RGS7: variants seen among roughly 807,000 people sequenced by gnomAD.
The protein encoded by RGS7 is regulator of G protein signaling 7.
RGS7 carries 27 observed loss-of-function variants against 81.1 expected under a neutral mutation model. The ratio of observed to expected loss-of-function variants is 0.33; its 90% CI spans 0.25 to 0.46. The LOEUF is 0.46. RGS7 is among the 20% of genes least tolerant of loss of function. RGS7 has a pLI of 1.00. For missense variants in RGS7, 396 were observed against 607.4 expected (o/e 0.65, Z 3.66); for synonymous variants, 208 against 207.7 (o/e 1.00, Z -0.01).
At chr1:241,242,187 T>C (rs1462351479) in intron 2 of RGS7, among the ~76,000 whole-genome samples, 1 of 152,066 alleles carries the variant, frequency 6.6e-6, no homozygotes, top group East Asian at 1.9e-4. Flanking sequence ...CACTTATAAG[T>C]AAGAACACAC....
chr1:241,273,791 A>T (rs2078052267), intron 2 of RGS7, among the ~76,000 whole-genome samples: 1 of 152,180 alleles, frequency 6.6e-6, no homozygotes, highest in African/African-American at 2.4e-5. Flanking sequence ...CCTTAAAAAA[A>T]GTCCCTCATA....
chr1:241,345,658 G>C (rs2148716330), intron 2 of RGS7, among the ~76,000 whole-genome samples: 1 of 152,252 alleles, frequency 6.6e-6, no homozygotes, highest in Non-Finnish European at 1.5e-5. Context: ...TGCAAGGCCT[G>C]GTATGGCATC....
At chr1:240,779,099 TTGTGTG>T (rs71172643) in intron 18 of RGS7, among the ~76,000 whole-genome samples, 18,479 of 143,856 alleles carry the variant, frequency 0.13, 1,341 homozygotes, top group African/African-American at 0.2. Context: ...TTAGTGTTCT[TTGTGTG>T]TGTGTGTGTG....
At chr1:241,160,340 G>A (rs1296206687) in intron 2 of RGS7, among the ~76,000 whole-genome samples, 1 of 152,138 alleles carries the variant, frequency 6.6e-6, no homozygotes, top group African/African-American at 2.4e-5. Context: ...CAAAATTCAT[G>A]TCAGATGTTG....
At chr1:241,202,186 C>T (rs999037561) in intron 2 of RGS7, among the ~76,000 whole-genome samples, 1 of 152,138 alleles carries the variant, frequency 6.6e-6, no homozygotes, top group African/African-American at 2.4e-5. Flanking sequence ...AGAGGTATTT[C>T]TGTACCTGTC....
rs1491202997 is a variant in RGS7, at chr1:241,130,944, A to AAAAAAAAAAAAC, written c.79-32183_79-32182insGTTTTTTTTTTT. On this transcript the variant is annotated intron_variant, in intron 2 of 18. Transcript: ENST00000440928. The stretch of plus-strand genomic sequence containing the variant: ...CTTAATTACAAAAAAAAAAAAAAAA[A>AAAAAAAAAAAAC]ACCAAGAGGCCAGATAATTCTACTC... Among the ~76,000 whole-genome samples, 169 of 150,164 alleles carry AAAAAAAAAAAAC rather than the reference A, an allele frequency of 1.1e-3. 1 individual carries two copies. Among genetic ancestry groups the AAAAAAAAAAAAC allele is most frequent in the African/African-American group, 4.1e-3 (162 of 39,768 alleles).
intron 2 of RGS7, among the ~76,000 whole-genome samples, chr1:241,153,531 T>G (rs539314446): frequency 1.3e-5 from 2 of 152,162 alleles, no homozygotes; most frequent in African/African-American, 2.4e-5. Context: ...AAATACTCTG[T>G]GCTGCTCCTC....
chr1:240,810,334 C>CA (rs1226024109), intron 14 of RGS7, among the ~76,000 whole-genome samples: 2 of 151,980 alleles, frequency 1.3e-5, no homozygotes, highest in East Asian at 3.9e-4. Context: ...CATGATGATA[C>CA]AAATGATATC....
At chr1:241,240,597 T>G (rs1573304495) in intron 2 of RGS7, among the ~76,000 whole-genome samples, 1 of 152,300 alleles carries the variant, frequency 6.6e-6, no homozygotes, top group Non-Finnish European at 1.5e-5. Flanking sequence ...GCCCAATGCA[T>G]GTGTACATGT....
intron 6 of RGS7, among the ~76,000 whole-genome samples, chr1:240,886,163 C>T (rs1320436999): frequency 6.6e-6 from 1 of 152,132 alleles, no homozygotes; most frequent in Non-Finnish European, 1.5e-5. Context: ...TCATGTAATA[C>T]TTTCATGTAA....
chr1:241,306,269 A>G (rs958818953), intron 2 of RGS7, among the ~76,000 whole-genome samples: 1 of 151,088 alleles, frequency 6.6e-6, no homozygotes, highest in African/African-American at 2.4e-5. Flanking sequence ...GTCCACACAC[A>G]TACACACACA....
chr1:241,140,338 G>A (rs2067840200), intron 2 of RGS7, among the ~76,000 whole-genome samples: 1 of 152,168 alleles, frequency 6.6e-6, no homozygotes, highest in African/African-American at 2.4e-5. Flanking sequence ...AGATGGTAAG[G>A]GCTGTTTTGG....
chr1:240,933,890 A>C (rs1676136998), intron 5 of RGS7, among the ~76,000 whole-genome samples: 1 of 152,098 alleles, frequency 6.6e-6, no homozygotes, highest in Non-Finnish European at 1.5e-5. Flanking sequence ...TGAGACAAAT[A>C]TATAAACTGT....
intron 4 of RGS7, among the ~76,000 whole-genome samples, chr1:240,950,977 A>G (rs1679459075): frequency 6.7e-6 from 1 of 149,936 alleles, no homozygotes; most frequent in Non-Finnish European, 1.5e-5. Flanking sequence ...GCTGGAGTGT[A>G]GTAGTGTGAT....
chr1:241,303,202 A>T lies in RGS7; in HGVS notation c.78+52497T>A, dbSNP rs530284544. Among the ~76,000 whole-genome samples the T allele has an allele frequency of 4.0e-5, 6 of 149,814 alleles. No individual in the cohort carries two copies. The East Asian group carries it at 1.2e-3, about 29-fold the overall frequency. ...TGTAAAAGGAGCCTGGTGGGAGGTG[A>T]TTGGTCCATGGGGGTGGATTTCCCC... On this transcript the variant is annotated intron_variant, in intron 2 of 18. Transcript: ENST00000440928.
At chr1:241,117,620 G>C (rs1467776115) in intron 2 of RGS7, among the ~76,000 whole-genome samples, 1 of 152,078 alleles carries the variant, frequency 6.6e-6, no homozygotes, top group Non-Finnish European at 1.5e-5. Flanking sequence ...GAAAACTCCT[G>C]GTTAATTTGA....
chr1:241,242,788 A>G (rs1293399665), intron 2 of RGS7, among the ~76,000 whole-genome samples: 3 of 151,866 alleles, frequency 2.0e-5, no homozygotes, highest in Non-Finnish European at 4.4e-5. Flanking sequence ...TTCTTTTGAG[A>G]ATTGTCTATT....
chr1:241,046,198 G>A (rs1448401943), intron 3 of RGS7, among the ~76,000 whole-genome samples: 3 of 152,106 alleles, frequency 2.0e-5, no homozygotes, highest in Non-Finnish European at 4.4e-5. Flanking sequence ...TACATGTGCA[G>A]GTTTGTTACG....
chr1:241,194,428 G>A (rs924336661), intron 2 of RGS7, among the ~76,000 whole-genome samples: 16 of 152,148 alleles, frequency 1.1e-4, no homozygotes, highest in Admixed American at 3.3e-4. Flanking sequence ...ATGAAATTGT[G>A]AAGAAATGTC....
Sources: allele counts gnomAD v4.1 joint callset (sites outside exome capture counted in the v4.1 genomes callset), GRCh38; gene constraint gnomAD v4.1.1; transcripts MANE v1.5; gene names NCBI Gene and HGNC (gene_info 2026-07-23, HGNC 2026-07-21).